PBX3: variants seen among roughly 807,000 people sequenced by gnomAD.
The protein encoded by PBX3 is PBX homeobox 3.
Under a neutral mutation model 48.5 loss-of-function variants are expected in PBX3, and 14 were observed. That is an observed-to-expected ratio of 0.29 (90% CI 0.19 to 0.45). PBX3 has a LOEUF of 0.45. Among genes scored for constraint, PBX3 ranks in the 20% least tolerant of loss-of-function variants. PBX3 has a pLI of 1.00. For synonymous variants in PBX3, 210 were observed against 200.3 expected, an observed-to-expected ratio of 1.05 and a Z score of -0.41; for missense variants, 386 against 546.7, an observed-to-expected ratio of 0.71 and a Z score of 2.93.
intron 2 of PBX3, among the ~76,000 whole-genome samples, chr9:125,783,729 A>G (rs971740490): frequency 1.3e-5 from 2 of 152,110 alleles, no homozygotes; most frequent in East Asian, 1.9e-4. Flanking sequence ...CGGGAGCAGC[A>G]GCTTCATGCC....
chr9:125,950,482 C>CTTTTT (rs10623974), intron 5 of PBX3, among the ~76,000 whole-genome samples: 1 of 143,302 alleles, frequency 7.0e-6, no homozygotes, highest in Non-Finnish European at 1.5e-5. Flanking sequence ...TTTGCAACTT[C>CTTTTT]TTTTTTTTTT....
chr9:125,756,049 C>T (rs992542296), intron 2 of PBX3, among the ~76,000 whole-genome samples: 2 of 151,934 alleles, frequency 1.3e-5, no homozygotes, highest in African/African-American at 4.8e-5. Context: ...AGGATATTTT[C>T]TTCACTAGGG....
At chr9:125,865,895 A>ACAAACT (rs1839967524) in intron 2 of PBX3, among the ~76,000 whole-genome samples, 1 of 152,178 alleles carries the variant, frequency 6.6e-6, no homozygotes, top group Middle Eastern at 3.2e-3. Flanking sequence ...TAGGCTGGGT[A>ACAAACT]ATGTGTCAGG....
At chr9:125,811,835 C>T (rs981998384) in intron 2 of PBX3, among the ~76,000 whole-genome samples, 6 of 152,054 alleles carry the variant, frequency 3.9e-5, no homozygotes, top group Non-Finnish European at 8.8e-5. Context: ...GGGGCTCTGT[C>T]CTCATGACCT....
At chr9:125,783,539 C>T (rs1321958395) in intron 2 of PBX3, among the ~76,000 whole-genome samples, 1 of 152,084 alleles carries the variant, frequency 6.6e-6, no homozygotes, top group Non-Finnish European at 1.5e-5. Flanking sequence ...ATGCCTGCCT[C>T]AGCCCCCAAA....
intron 2 of PBX3, among the ~76,000 whole-genome samples, chr9:125,855,590 T>C (rs1232143920): frequency 6.6e-6 from 1 of 152,214 alleles, no homozygotes; most frequent in East Asian, 1.9e-4. Context: ...GTTGACAGTA[T>C]ATCAAAACTA....
intron 2 of PBX3, among the ~76,000 whole-genome samples, chr9:125,792,701 A>ATTTT (rs11410616): frequency 7.0e-6 from 1 of 142,254 alleles, no homozygotes; most frequent in Non-Finnish European, 1.5e-5. Context: ...GGTATACTTA[A>ATTTT]TTTTTTTTTT....
intron 2 of PBX3, among the ~76,000 whole-genome samples, chr9:125,811,364 C>A (rs1022779037): frequency 3.3e-5 from 5 of 152,112 alleles, no homozygotes; most frequent in African/African-American, 7.2e-5. Context: ...CAAATCTCAC[C>A]TTGAATTGTA....
chr9:125,864,008 C>G (rs1839923210), intron 2 of PBX3, among the ~76,000 whole-genome samples: 2 of 152,044 alleles, frequency 1.3e-5, no homozygotes, highest in Non-Finnish European at 2.9e-5. Context: ...AGAGGGTGTT[C>G]CAAAGTGTGT....
chr9:125,950,468 T>TAAATTTGC (rs1360626059), intron 5 of PBX3, among the ~76,000 whole-genome samples: 1 of 149,004 alleles, frequency 6.7e-6, no homozygotes, highest in Non-Finnish European at 1.5e-5. Context: ...TCAGTTGTTA[T>TAAATTTGC]AAATTTGCAA....
chr9:125,798,856 CAA>C (rs1274955683), intron 2 of PBX3, among the ~76,000 whole-genome samples: 1 of 151,534 alleles, frequency 6.6e-6, no homozygotes, highest in Non-Finnish European at 1.5e-5. Flanking sequence ...ACAAAACAAA[CAA>C]AAAACAGTCC....
At chr9:125,857,978 T>G (rs544728668) in intron 2 of PBX3, among the ~76,000 whole-genome samples, 2 of 152,314 alleles carry the variant, frequency 1.3e-5, no homozygotes, top group East Asian at 3.9e-4. Flanking sequence ...GCCCTTAGCT[T>G]GTCATAAGAA....
intron 3 of PBX3, among the ~76,000 whole-genome samples, chr9:125,920,115 AT>A (rs2132481879): frequency 6.6e-6 from 1 of 152,266 alleles, no homozygotes; most frequent in South Asian, 2.1e-4. Context: ...AAACAAAACT[AT>A]TTTATTTTCT....
chr9:125,900,750 C>G (rs1377861557), intron 2 of PBX3, among the ~76,000 whole-genome samples: 1 of 151,684 alleles, frequency 6.6e-6, no homozygotes, highest in East Asian at 1.9e-4. Flanking sequence ...ACCTTTTAAA[C>G]AGAGACACAT....
chr9:125,826,926 C>A (rs996361334), intron 2 of PBX3, among the ~76,000 whole-genome samples: 17 of 152,138 alleles, frequency 1.1e-4, no homozygotes, highest in African/African-American at 4.1e-4. Flanking sequence ...ACCACACATT[C>A]TTGCTAACTG....
intron 2 of PBX3, among the ~76,000 whole-genome samples, chr9:125,874,437 A>G (rs1356561427): frequency 2.0e-5 from 3 of 152,132 alleles, no homozygotes; most frequent in Admixed American, 2.0e-4. Context: ...ACTCAAAACA[A>G]AATGTTGCCA....
In PBX3 at chr9:125,920,110, A is replaced by C. The variant is rs868210637; in HGVS notation, c.516+4183A>C. ...TATTACTGCCACCCAAAAGGAAACAAAACTATTTTATTTTCTTCTTGTTGA... is the reference window on the plus strand; with the variant it reads ...TATTACTGCCACCCAAAAGGAAACACAACTATTTTATTTTCTTCTTGTTGA... On this transcript the variant is annotated intron_variant, in intron 3 of 8. Transcript: ENST00000373489. 7.2e-5 allele frequency among the ~76,000 whole-genome samples: 11 copies of C among 152,308 alleles called. No homozygotes were observed. The South Asian group carries it at 2.3e-3, about 32-fold the overall frequency.
At chr9:125,778,623 A>G (rs995804117) in intron 2 of PBX3, among the ~76,000 whole-genome samples, 2 of 94,080 alleles carry the variant, frequency 2.1e-5, no homozygotes, top group East Asian at 6.0e-4. Flanking sequence ...TTTTTTTCAT[A>G]TTTTCTATTT....
chr9:125,778,328 G>T (rs1837133620), intron 2 of PBX3, among the ~76,000 whole-genome samples: 1 of 151,166 alleles, frequency 6.6e-6, no homozygotes, highest in Non-Finnish European at 1.5e-5. Context: ...GCATGATCTT[G>T]GCTCACTGCA....
Sources: gnomAD v4.1 joint callset for allele counts (sites outside exome capture counted in the v4.1 genomes callset) on GRCh38, gnomAD v4.1.1 for gene constraint, MANE v1.5 for transcripts, NCBI Gene and HGNC (gene_info 2026-07-23, HGNC 2026-07-21) for gene names.